Variants in NIT2 observed in about 807,000 individuals in gnomAD.
NIT2 encodes nitrilase family member 2, also known as omega-amidase NIT2.
Under a neutral mutation model 42.7 loss-of-function variants are expected in NIT2, and 46 were observed. The observed-to-expected ratio is 1.08, with a 90% CI of 0.85 to 1.38. The LOEUF (loss-of-function observed/expected upper bound fraction) is 1.38, where lower values mean the gene tolerates loss of function less well. NIT2 is among the 40% of genes most tolerant of loss of function. NIT2 has a pLI of 0.00. For missense variants in NIT2, 309 were observed against 342.5 expected (o/e 0.90, Z 0.77); for synonymous variants, 123 against 121.9 (o/e 1.01, Z -0.06).
At position 100,356,432 on chromosome 3, in the gene NIT2, GATAT is replaced by G. The variant is rs768469638; in HGVS notation, c.*1167_*1170del. The stretch of plus-strand genomic sequence containing the variant: ...CCTAGCACACCACTGGTTTAAGATA[GATAT>G]ATCATATAGATATTTACCATTTACC... On this transcript the variant is annotated 3_prime_UTR_variant, in exon 10 of 10. Transcript: ENST00000394140. 2.8e-4 allele frequency: 43 copies of G among 152,284 alleles called. No individual in the cohort carries two copies. The highest frequency in any genetic ancestry group is 4.9e-4 in the Non-Finnish European group (33 of 68,020). The allele number at this position is 152,284 out of a possible 1,614,324, so 9.4% of individuals were successfully genotyped here. A position where few individuals can be genotyped will look rare whatever the true frequency, so the allele number is the denominator to read the frequency against.
At chr3:100,342,340 A>C (rs762223662) in intron 4 of NIT2, among the ~76,000 whole-genome samples, 1 of 152,118 alleles carries the variant, frequency 6.6e-6, no homozygotes, top group Non-Finnish European at 1.5e-5. Context: ...TGTGTCTTTT[A>C]ATTGAAGTGG....
Position 100,339,130 on chromosome 3 carries a change from AT to A in NIT2, c.52del (p.Ser18GlnfsTer21), listed in dbSNP as rs757175916. 20 of 1,613,892 alleles carry A rather than the reference AT, an allele frequency of 1.2e-5. No homozygotes were observed. The highest frequency in any genetic ancestry group is 1.4e-5 in the Non-Finnish European group (17 of 1,179,992). ...TCCAGCTTCAGATTTCTTCCATCAA[AT>A]CAGATAACGTCACTCGCGCTTGTAG... ...LIQLQISSIK[S>X]DNVTRACSFI... On this transcript the variant is annotated frameshift_variant, in exon 2 of 10. Coordinates refer to ENST00000394140, the MANE Select transcript of NIT2 (RefSeq NM_020202.5). LOFTEE classifies it high-confidence loss of function.
chr3:100,340,080 A>T (rs982376435), intron 3 of NIT2, 145 bp downstream of exon 3: 2 of 637,822 alleles, frequency 3.1e-6, no homozygotes, highest in Admixed American at 3.6e-5. Context: ...TTATTTATTT[A>T]TTTTTTTTGA....
chr3:100,334,877 C>T (rs764357277), intron 1 of NIT2, 79 bp downstream of exon 1: 2 of 1,198,624 alleles, frequency 1.7e-6, no homozygotes, highest in Admixed American at 4.1e-5. Context: ...GGTGGCTCGG[C>T]CGGCTCAGCC....
chr3:100,352,281 T>G, intron 7 of NIT2, 123 bp from the exon 8 acceptor site: 1 of 663,606 alleles, frequency 1.5e-6, no homozygotes, highest in Non-Finnish European at 2.6e-6. Context: ...GGCTCTGGCT[T>G]CCTTCTACAT....
intron 4 of NIT2, among the ~76,000 whole-genome samples, chr3:100,342,764 T>C (rs914890141): frequency 6.6e-6 from 1 of 152,124 alleles, no homozygotes; most frequent in African/African-American, 2.4e-5. Flanking sequence ...TAGTCATATG[T>C]ATTTTAAGGA....
In NIT2 at chr3:100,357,559, A is replaced by G. The variant is rs1163115727; in HGVS notation, c.*2291A>G. 1 of 151,970 alleles carries G rather than the reference A, an allele frequency of 6.6e-6. No homozygotes were observed. The highest frequency in any genetic ancestry group is 2.4e-5 in the African/African-American group (1 of 41,410). 9.4% of individuals were successfully genotyped at this position (151,970 alleles called of 1,614,324 possible). A position where few individuals can be genotyped will look rare whatever the true frequency, so the allele number is the denominator to read the frequency against. On this transcript the variant is annotated 3_prime_UTR_variant, in exon 10 of 10. Transcript: ENST00000394140. ...AAGCCATCCTAGCTGTCTTGATGCTAGAGAAGCAAAGACGCTTTACAGAGA... is the reference window on the plus strand; with the variant it reads ...AAGCCATCCTAGCTGTCTTGATGCTGGAGAAGCAAAGACGCTTTACAGAGA...
rs1352732947 is a variant in NIT2, at chr3:100,348,125, C to T, written c.506-678C>T. On this transcript the variant is annotated intron_variant, in intron 6 of 9. Coordinates refer to ENST00000394140, the MANE Select transcript of NIT2 (RefSeq NM_020202.5). The stretch of plus-strand genomic sequence containing the variant: ...CAGGCTGGTCTCGAACTCCTGACCT[C>T]AGGTGATCTGCCCACCTCGGCCTCC... Among the ~76,000 whole-genome samples, 4 of 152,360 alleles carry T rather than the reference C, an allele frequency of 2.6e-5. No homozygotes were observed. In the East Asian group the frequency reaches 7.7e-4, roughly 29 times the overall value.
Position 100,354,844 on chromosome 3 carries a change from C to T in NIT2, c.739+17C>T, listed in dbSNP as rs762583361. The T allele has an allele frequency of 1.2e-6, 2 of 1,607,582 alleles. No individual in the cohort carries two copies. Among genetic ancestry groups the T allele is most frequent in the African/African-American group, 2.7e-5 (2 of 74,772 alleles). ...CAGACATAGGTAAGATTTTCCTGGG[C>T]ATGGTTTAGGTCTCTGATGTCCCCA... On this transcript the variant is annotated intron_variant, in intron 9 of 9. Coordinates refer to ENST00000394140, the MANE Select transcript of NIT2 (RefSeq NM_020202.5).
chr3:100,344,361 T>C (rs1446498335), intron 4 of NIT2, among the ~76,000 whole-genome samples: 1 of 152,244 alleles, frequency 6.6e-6, no homozygotes, highest in Non-Finnish European at 1.5e-5. Context: ...TTGTGCCTTT[T>C]ATTTTGTCCA....
intron 8 of NIT2, among the ~76,000 whole-genome samples, chr3:100,354,200 C>T (rs767263787): frequency 1.4e-4 from 21 of 152,170 alleles, no homozygotes; most frequent in Non-Finnish European, 2.9e-4. Flanking sequence ...ACCCAGTCGC[C>T]AGAGGTTGAA....
intron 2 of NIT2, among the ~76,000 whole-genome samples, chr3:100,339,455 A>G (rs1576198629): frequency 1.3e-5 from 2 of 152,206 alleles, no homozygotes; most frequent in South Asian, 4.1e-4. Context: ...ATCCTAGTAT[A>G]TTGAGGGACT....
intron 4 of NIT2, among the ~76,000 whole-genome samples, chr3:100,344,978 A>G (rs1576200692): frequency 1.6e-5 from 2 of 121,374 alleles, no homozygotes. Flanking sequence ...TTTGAGAGAG[A>G]GAGTCTTGCT....
intron 1 of NIT2, among the ~76,000 whole-genome samples, chr3:100,336,765 C>T (rs1706078887): frequency 6.6e-6 from 1 of 152,198 alleles, no homozygotes; most frequent in African/African-American, 2.4e-5. Flanking sequence ...TATACCGAGA[C>T]ATTCCGTTGC....
intron 4 of NIT2, among the ~76,000 whole-genome samples, chr3:100,343,959 G>A (rs931138979): frequency 6.6e-5 from 10 of 152,198 alleles, no homozygotes; most frequent in Admixed American, 3.9e-4. Flanking sequence ...TAACTTGGCC[G>A]CACCCAAACA....
chr3:100,340,027 G>T, intron 3 of NIT2, 92 bp downstream of exon 3: 1 of 1,075,276 alleles, frequency 9.3e-7, no homozygotes, highest in South Asian at 1.9e-5. Flanking sequence ...TCCCTACTTG[G>T]GAAGCTTCAG....
chr3:100,348,607 T>C (rs1366129296), intron 6 of NIT2, among the ~76,000 whole-genome samples, 196 bp from the exon 7 acceptor site: 1 of 152,212 alleles, frequency 6.6e-6, no homozygotes, highest in Non-Finnish European at 1.5e-5. Flanking sequence ...TGTCCATATG[T>C]GTGTGACTTA....
rs1706357812 is a variant in NIT2 at position 100,359,703 on chromosome 3, C to T, written c.*4435C>T. The T allele has an allele frequency of 6.6e-6, 1 of 152,188 alleles. No homozygotes were observed. The highest frequency in any genetic ancestry group is 1.5e-5 in the Non-Finnish European group (1 of 68,034). 9.4% of individuals were successfully genotyped at this position (152,188 alleles called of 1,614,324 possible). A position where few individuals can be genotyped will look rare whatever the true frequency, so the allele number is the denominator to read the frequency against. On this transcript the variant is annotated 3_prime_UTR_variant, in exon 10 of 10. Transcript: ENST00000394140. ...CATTTTATTTTGTCCTGAGGAATCT[C>T]AGCTACATGCATGGTCTTCAATATA...
rs775586505 is a variant in NIT2, at chr3:100,339,905, G to A, written c.217G>A (p.Ala73Thr). Reference protein sequence around the residue: ...GESTQKLSEVAKECSIYLIGG... With the variant: ...GESTQKLSEVTKECSIYLIGG... ...ATCCACACAGAAGCTTTCTGAAGTA[G>A]CAAAGGAATGCAGCATATATCTCAT... The change falls in exon 3 of 10, where the codon GCA (alanine) becomes ACA (threonine). Residue 73 changes from alanine (A) to threonine (T), a missense_variant. Ala to Thr is a moderately conservative substitution (Grantham distance 58). Coordinates refer to ENST00000394140, the MANE Select transcript of NIT2 (RefSeq NM_020202.5). 6.2e-7 allele frequency: 1 copy of A among 1,613,740 alleles called. No homozygotes were observed. The highest frequency in any genetic ancestry group is 8.5e-7 in the Non-Finnish European group (1 of 1,179,814).
Sources: allele counts gnomAD v4.1 joint callset (sites outside exome capture counted in the v4.1 genomes callset), GRCh38; gene constraint gnomAD v4.1.1; transcripts MANE v1.5; gene names NCBI Gene and HGNC (gene_info 2026-07-23, HGNC 2026-07-21).